GORAB: variants seen among roughly 807,000 people sequenced by gnomAD.
GORAB encodes RAB6-interacting golgin.
A neutral mutation model predicts 29.9 loss-of-function variants in GORAB; 17 were observed. The observed-to-expected ratio is 0.57, with a 90% CI of 0.39 to 0.85. The LOEUF (loss-of-function observed/expected upper bound fraction) is 0.85. GORAB is among the 40% of genes least tolerant of loss of function. The pLI, the probability that GORAB is intolerant of heterozygous loss-of-function variation, is 0.00. For synonymous variants in GORAB, 183 were observed against 157.2 expected (o/e 1.16, Z -1.23); for missense variants, 442 against 437.8 (o/e 1.01, Z -0.09).
intron 4 of GORAB, chr1:170,545,504 A>C (rs946387305): frequency 5.1e-6 from 5 of 984,420 alleles, no homozygotes; most frequent in Non-Finnish European, 6.0e-6. Context: ...TAACACATGT[A>C]ATGAATTACA....
intron 3 of GORAB, 21 bp downstream of exon 3, chr1:170,542,613 G>C (rs759803835): frequency 6.7e-7 from 1 of 1,488,958 alleles, no homozygotes; most frequent in South Asian, 1.1e-5. Context: ...TGAACCAGGA[G>C]AGGCTGTTTG....
intron 4 of GORAB, among the ~76,000 whole-genome samples, chr1:170,551,648 G>A (rs1161528449): frequency 3.3e-5 from 5 of 152,106 alleles, no homozygotes; most frequent in Admixed American, 3.3e-4. Flanking sequence ...GGACAGGGTG[G>A]TAGTAATTAT....
intron 2 of GORAB, among the ~76,000 whole-genome samples, chr1:170,540,581 A>G (rs1053409921): frequency 4.6e-5 from 7 of 152,218 alleles, no homozygotes; most frequent in Non-Finnish European, 8.8e-5. Context: ...AAACCACATG[A>G]ATTATGAAAC....
At chr1:170,545,796 TG>T (rs1649721920) in intron 4 of GORAB, 8 of 958,890 alleles carry the variant, frequency 8.3e-6, no homozygotes, top group Non-Finnish European at 9.9e-6. Context: ...GAAAGAGTCT[TG>T]TGGTTGTCCT....
At chr1:170,535,164 C>T (rs1167291377) in intron 1 of GORAB, among the ~76,000 whole-genome samples, 1 of 152,158 alleles carries the variant, frequency 6.6e-6, no homozygotes, top group African/African-American at 2.4e-5. Flanking sequence ...GACACTCCTA[C>T]TTTTATTTAC....
chr1:170,533,638 G>T (rs561530773), intron 1 of GORAB: 2 of 433,046 alleles, frequency 4.6e-6, no homozygotes, highest in Non-Finnish European at 9.6e-6. Context: ...GTTAGCAGAG[G>T]CGCATTTTCC....
intron 2 of GORAB, among the ~76,000 whole-genome samples, chr1:170,539,971 T>C (rs999810501): frequency 9.3e-5 from 14 of 150,844 alleles, no homozygotes; most frequent in East Asian, 3.9e-4. Context: ...TTCTTTCTTT[T>C]TTTTTTTTTT....
chr1:170,548,155 T>A (rs1332891017), intron 4 of GORAB, among the ~76,000 whole-genome samples: 1 of 152,262 alleles, frequency 6.6e-6, no homozygotes, highest in Non-Finnish European at 1.5e-5. Flanking sequence ...CTTCAGAGAC[T>A]CTAGGTATCC....
intron 4 of GORAB, among the ~76,000 whole-genome samples, chr1:170,547,480 G>A (rs1649837176): frequency 6.6e-6 from 1 of 151,862 alleles, no homozygotes; most frequent in Non-Finnish European, 1.5e-5. Context: ...TTCACCACTG[G>A]GATTACAATG....
intron 1 of GORAB, chr1:170,532,662 A>G (rs1648772010): frequency 7.5e-6 from 2 of 266,296 alleles, no homozygotes; most frequent in Non-Finnish European, 1.5e-5. Flanking sequence ...GGAGGGGCGC[A>G]CACCGTATTA....
intron 4 of GORAB, among the ~76,000 whole-genome samples, chr1:170,548,226 T>C (rs1649880481): frequency 6.6e-6 from 1 of 152,268 alleles, no homozygotes; most frequent in Non-Finnish European, 1.5e-5. Context: ...GGCCACGCCA[T>C]GCCATTCTGT....
intron 1 of GORAB, chr1:170,533,714 T>G (rs1244354716): frequency 2.8e-6 from 1 of 356,378 alleles, no homozygotes; most frequent in East Asian, 7.5e-5. Context: ...GAAGTATATT[T>G]TGAAATATCT....
rs1475875790 is a variant in GORAB at position 170,539,215 on chromosome 1, T to C, written c.67T>C (p.Phe23Leu). 1.9e-6 allele frequency: 3 copies of C among 1,613,980 alleles called. No homozygotes were observed. Among genetic ancestry groups the C allele is most frequent in the South Asian group, 1.1e-5 (1 of 91,094 alleles). Residue 23 changes from phenylalanine to leucine, a missense_variant, in exon 2 of 5, where the codon TTT (phenylalanine) becomes CTT (leucine). Coordinates refer to ENST00000367763, the MANE Select transcript of GORAB (RefSeq NM_152281.3). The part of the protein sequence containing the change: ...LRRLKQTKDP[F>L]EPQRRLPAKK... ...CTCTATTTTCTTTTACATAGATCCA[T>C]TTGAACCACAGCGACGTCTCCCCGC... is the stretch of plus-strand genomic sequence containing the variant.
Position 170,553,674 on chromosome 1 carries a change from T to C in GORAB, c.*1212T>C, listed in dbSNP as rs1650272249. ...AATATAGATGAGCTTTATATTTTTATATTATGTAATTTGAGTTGAAAGTAT... is the reference window on the plus strand; with the variant it reads ...AATATAGATGAGCTTTATATTTTTACATTATGTAATTTGAGTTGAAAGTAT... On this transcript the variant is annotated 3_prime_UTR_variant, in exon 5 of 5. Transcript: ENST00000367763. 4.4e-6 allele frequency: 2 copies of C among 450,462 alleles called. No homozygotes were observed. Among genetic ancestry groups the C allele is most frequent in the Non-Finnish European group, 8.9e-6 (2 of 225,978 alleles). 27.9% of individuals were successfully genotyped at this position (450,462 alleles called of 1,614,324 possible).
At chr1:170,539,673 T>C (rs1264655727) in intron 2 of GORAB, 106 bp downstream of exon 2, 1 of 1,185,530 alleles carries the variant, frequency 8.4e-7, no homozygotes, top group Non-Finnish European at 1.2e-6. Flanking sequence ...TTTCTCTCCT[T>C]TATATTCATT....
At chr1:170,535,202 C>A (rs1648982067) in intron 1 of GORAB, among the ~76,000 whole-genome samples, 1 of 152,180 alleles carries the variant, frequency 6.6e-6, no homozygotes, top group South Asian at 2.1e-4. Context: ...ACTTGGGAGA[C>A]AGGAAATAAA....
chr1:170,542,461 A>G, intron 2 of GORAB, 30 bp from the exon 3 acceptor site: 1 of 1,397,974 alleles, frequency 7.2e-7, no homozygotes, highest in Non-Finnish European at 1.0e-6. Context: ...TCTTTCATAA[A>G]CTCATTTTTA....
rs186532772 is a variant in GORAB at position 170,550,252 on chromosome 1, T to C, written c.663-1763T>C. Among the ~76,000 whole-genome samples, 723 of 152,292 alleles carry C rather than the reference T, an allele frequency of 4.7e-3. 2 individuals are homozygous for C. Among genetic ancestry groups the C allele is most frequent in the Admixed American group, 6.7e-3 (102 of 15,296 alleles). ...AGTGGTTCACGGCATGGCCTGACACTAAGAGTTCTGTTTAAACTGAGATGA... is the reference window on the plus strand; with the variant it reads ...AGTGGTTCACGGCATGGCCTGACACCAAGAGTTCTGTTTAAACTGAGATGA... On this transcript the variant is annotated intron_variant, in intron 4 of 4. Coordinates refer to ENST00000367763, the MANE Select transcript of GORAB (RefSeq NM_152281.3).
chr1:170,545,788 AAG>A (rs755211882), intron 4 of GORAB: 31 of 971,606 alleles, frequency 3.2e-5, no homozygotes, highest in South Asian at 4.8e-5. Flanking sequence ...GTGTTTAAGA[AAG>A]AGTCTTGTGG....
Sources: gnomAD v4.1 joint callset for allele counts (sites outside exome capture counted in the v4.1 genomes callset) on GRCh38, gnomAD v4.1.1 for gene constraint, MANE v1.5 for transcripts, NCBI Gene and HGNC (gene_info 2026-07-23, HGNC 2026-07-21) for gene names.